WDR70: variants seen among roughly 807,000 people sequenced by gnomAD.
WDR70 encodes the protein WD repeat domain 70.
WDR70 carries 53 observed loss-of-function variants against 88.6 expected under a neutral mutation model. The ratio of observed to expected loss-of-function variants is 0.60; its 90% CI spans 0.48 to 0.75. WDR70 has a LOEUF of 0.75. WDR70 is among the 30% of genes least tolerant of loss of function. The probability of loss-of-function intolerance (pLI) is 0.00; values close to 1 mark genes in which losing one functional copy is unlikely to be tolerated. For missense variants in WDR70, 610 were observed against 823.2 expected, an observed-to-expected ratio of 0.74 and a Z score of 3.17; for synonymous variants, 280 against 270.0, an observed-to-expected ratio of 1.04 and a Z score of -0.36.
intron 7 of WDR70, among the ~76,000 whole-genome samples, chr5:37,450,889 ATTTTCT>A (rs1358478337): frequency 1.3e-5 from 2 of 151,386 alleles, no homozygotes; most frequent in African/African-American, 2.4e-5. Context: ...GAGTGTATAC[ATTTTCT>A]TTTTCTTTTT....
Position 37,753,058 on chromosome 5 carries a change from C to T in WDR70, c.*485C>T, listed in dbSNP as rs1287337975. 6.5e-6 allele frequency: 1 copy of T among 154,120 alleles called. No homozygotes were observed. Among genetic ancestry groups the T allele is most frequent in the East Asian group, 1.9e-4 (1 of 5,248 alleles). 9.5% of individuals were successfully genotyped at this position (154,120 alleles called of 1,614,324 possible). A position where few individuals can be genotyped will look rare whatever the true frequency, so the allele number is the denominator to read the frequency against. On this transcript the variant is annotated 3_prime_UTR_variant, in exon 18 of 18. Coordinates refer to ENST00000265107, the MANE Select transcript of WDR70 (RefSeq NM_018034.4). ...GCCATACTGGGAAAGAGCATTATCT[C>T]ATTATCCTTCAATAGCAGAATACAG... is the stretch of plus-strand genomic sequence containing the variant.
In WDR70 at chr5:37,479,858, T is replaced by G; in HGVS notation, c.711T>G (p.Tyr237Ter). 6.2e-7 allele frequency: 1 copy of G among 1,614,080 alleles called. No homozygotes were observed. Among genetic ancestry groups the G allele is most frequent in the Non-Finnish European group, 8.5e-7 (1 of 1,179,984 alleles). Reference protein sequence around the residue: ...CECHQIKSLQYSNTGDMILVV... With the variant: ...CECHQIKSLQ ...GCCATCAGATCAAGTCATTACAGTA[T>G]AGTAACACAGGAGACATGATTCTTG... The change falls in exon 8 of 18, where the codon TAT becomes TAG. Residue 237 changes from tyrosine to a stop codon, truncating the protein, a stop_gained. Coordinates refer to ENST00000265107, the MANE Select transcript of WDR70 (RefSeq NM_018034.4). LOFTEE classifies it high-confidence loss of function.
chr5:37,544,341 T>C (rs1055890660), intron 9 of WDR70, among the ~76,000 whole-genome samples: 4 of 152,120 alleles, frequency 2.6e-5, no homozygotes, highest in African/African-American at 9.7e-5. Flanking sequence ...AACCAGCATT[T>C]TCCAGACATA....
intron 10 of WDR70, among the ~76,000 whole-genome samples, chr5:37,676,278 A>G (rs1316539042): frequency 1.3e-5 from 2 of 151,316 alleles, no homozygotes; most frequent in Non-Finnish European, 3.0e-5. Flanking sequence ...TATGTTGAAT[A>G]GGAGTGGTGA....
intron 8 of WDR70, among the ~76,000 whole-genome samples, chr5:37,502,213 A>C (rs1392155563): frequency 6.6e-6 from 1 of 151,854 alleles, no homozygotes; most frequent in Non-Finnish European, 1.5e-5. Context: ...TGTAAAAGGG[A>C]TTGATTTGAG....
intron 13 of WDR70, among the ~76,000 whole-genome samples, chr5:37,711,333 T>C (rs1038603819): frequency 5.9e-5 from 9 of 152,192 alleles, no homozygotes; most frequent in Admixed American, 3.9e-4. Flanking sequence ...TCCTCTTGCC[T>C]ACCTGCACAC....
intron 9 of WDR70, 43 bp from the exon 10 acceptor site, chr5:37,605,017 CTTCT>C: frequency 6.9e-7 from 1 of 1,454,966 alleles, no homozygotes; most frequent in Non-Finnish European, 9.1e-7. Flanking sequence ...CTCCCCCCTC[CTTCT>C]TTTTTTTTTT....
intron 10 of WDR70, among the ~76,000 whole-genome samples, chr5:37,696,063 T>C (rs1379359310): frequency 6.6e-6 from 1 of 152,228 alleles, no homozygotes; most frequent in Admixed American, 6.5e-5. Context: ...ATTGTAGCAC[T>C]TGTCGCTCTG....
chr5:37,647,721 AACTT>A (rs2112553660), intron 10 of WDR70, among the ~76,000 whole-genome samples: 1 of 152,246 alleles, frequency 6.6e-6, no homozygotes, highest in African/African-American at 2.4e-5. Context: ...CTTACTCCCA[AACTT>A]ACTTTGTTTG....
At chr5:37,503,120 G>A (rs4541679) in intron 8 of WDR70, among the ~76,000 whole-genome samples, 90,814 of 152,046 alleles carry the variant, frequency 0.6, 28,480 homozygotes, top group Non-Finnish European at 0.69. Context: ...TTTTGCGTGT[G>A]TGTTCATCAG....
At chr5:37,584,450 T>A (rs181177931) in intron 9 of WDR70, among the ~76,000 whole-genome samples, 7 of 152,324 alleles carry the variant, frequency 4.6e-5, no homozygotes, top group Non-Finnish European at 1.0e-4. Context: ...GTGACTTGAT[T>A]AAGCATTGTT....
At chr5:37,638,860 G>T (rs529203179) in intron 10 of WDR70, among the ~76,000 whole-genome samples, 1 of 152,138 alleles carries the variant, frequency 6.6e-6, no homozygotes, top group Non-Finnish European at 1.5e-5. Flanking sequence ...AAGGAGAAAG[G>T]TTTATTGTTT....
intron 17 of WDR70, among the ~76,000 whole-genome samples, chr5:37,747,679 G>A (rs1028127264): frequency 6.6e-6 from 1 of 152,142 alleles, no homozygotes; most frequent in African/African-American, 2.4e-5. Flanking sequence ...ATTCAGATAG[G>A]AAGAGAGGAA....
At chr5:37,580,849 G>A (rs1743197279) in intron 9 of WDR70, among the ~76,000 whole-genome samples, 1 of 152,092 alleles carries the variant, frequency 6.6e-6, no homozygotes, top group South Asian at 2.1e-4. Context: ...TAATTTGATT[G>A]CTTGTTTTCA....
chr5:37,399,647 T>C (rs1056537746), intron 5 of WDR70, among the ~76,000 whole-genome samples: 2 of 152,202 alleles, frequency 1.3e-5, no homozygotes, highest in African/African-American at 4.8e-5. Context: ...GTTTTTTCTT[T>C]TGGCATCCAT....
At chr5:37,415,360 G>A (rs1040277002) in intron 5 of WDR70, among the ~76,000 whole-genome samples, 5 of 142,932 alleles carry the variant, frequency 3.5e-5, no homozygotes, top group East Asian at 4.3e-4. Flanking sequence ...AGGGGCGGCC[G>A]GGCAGAGGCA....
chr5:37,725,514 G>C (rs929546953), intron 16 of WDR70, among the ~76,000 whole-genome samples: 1 of 152,056 alleles, frequency 6.6e-6, no homozygotes, highest in Non-Finnish European at 1.5e-5. Context: ...AGTCTTTAGA[G>C]TTTTTGAGAA....
chr5:37,428,905 A>G (rs1187762028), intron 5 of WDR70, among the ~76,000 whole-genome samples: 1 of 152,184 alleles, frequency 6.6e-6, no homozygotes, highest in Non-Finnish European at 1.5e-5. Context: ...ATCCTTGCCT[A>G]CACTTGGTAT....
intron 10 of WDR70, among the ~76,000 whole-genome samples, chr5:37,664,994 G>T (rs964317056): frequency 6.6e-6 from 1 of 152,186 alleles, no homozygotes; most frequent in African/African-American, 2.4e-5. Context: ...TAATAAGATG[G>T]TCTGTACGAA....
Sources: allele counts gnomAD v4.1 joint callset (sites outside exome capture counted in the v4.1 genomes callset), GRCh38; gene constraint gnomAD v4.1.1; transcripts MANE v1.5; gene names NCBI Gene and HGNC (gene_info 2026-07-23, HGNC 2026-07-21).